EXOC6B: variants seen among roughly 807,000 people sequenced by gnomAD.
EXOC6B encodes the protein exocyst complex component 6B.
Under a neutral mutation model 113.5 loss-of-function variants are expected in EXOC6B, and 54 were observed. The observed-to-expected ratio is 0.48, with a 90% confidence interval of 0.38 to 0.60. The LOEUF (loss-of-function observed/expected upper bound fraction) is 0.60. Among genes scored for constraint, EXOC6B ranks in the 20% least tolerant of loss-of-function variants. EXOC6B has a pLI of 0.00. For synonymous variants in EXOC6B, 357 were observed against 339.0 expected (o/e 1.05, Z -0.58); for missense variants, 797 against 977.5 (o/e 0.82, Z 2.46).
At chr2:72,234,176 C>T (rs535427510) in intron 20 of EXOC6B, among the ~76,000 whole-genome samples, 1 of 151,548 alleles carries the variant, frequency 6.6e-6, no homozygotes, top group Non-Finnish European at 1.5e-5. Context: ...AACCTCCGTC[C>T]CCCCGGTTTA....
At chr2:72,501,126 CT>C (rs1048991560) in intron 11 of EXOC6B, among the ~76,000 whole-genome samples, 3 of 152,048 alleles carry the variant, frequency 2.0e-5, no homozygotes, top group African/African-American at 7.2e-5. Context: ...TAGTATAAAA[CT>C]TTTTAATGCT....
intron 8 of EXOC6B, among the ~76,000 whole-genome samples, chr2:72,520,400 A>G (rs777936904): frequency 3.9e-5 from 6 of 151,974 alleles, no homozygotes; most frequent in Non-Finnish European, 7.4e-5. Context: ...TTCCTGTTTC[A>G]TAGAGGCAAT....
Position 72,767,808 on chromosome 2 carries a change from TAAAAAAAAAA to T in EXOC6B, c.114-26349_114-26340del, listed in dbSNP as rs34358568. 0.025 allele frequency among the ~76,000 whole-genome samples: 323 copies of T among 12,702 alleles called. 39 individuals are homozygous for T. The East Asian group carries it at 0.37, about 15-fold the overall frequency. The allele number at this position is 12,702 out of a possible 152,430, so 8.3% of individuals were successfully genotyped here. On this transcript the variant is annotated intron_variant, in intron 1 of 21. Coordinates refer to ENST00000272427, the MANE Select transcript of EXOC6B (RefSeq NM_015189.3). ...AGCCTGGGAGACACAGAGACCTTGT[TAAAAAAAAAA>T]AAAAAAAAAAAAAAAGACCAAGTCC...
intron 1 of EXOC6B, among the ~76,000 whole-genome samples, chr2:72,788,467 G>A (rs1309224900): frequency 6.6e-6 from 1 of 152,078 alleles, no homozygotes; most frequent in Non-Finnish European, 1.5e-5. Flanking sequence ...CGAATCTGGG[G>A]TTCTTAACAA....
chr2:72,545,789 AT>A (rs767865835), intron 8 of EXOC6B, among the ~76,000 whole-genome samples: 5 of 152,210 alleles, frequency 3.3e-5, no homozygotes, highest in African/African-American at 4.8e-5. Context: ...AAAACTAATG[AT>A]TTTTAATGAA....
At chr2:72,551,729 C>A (rs1250286828) in intron 8 of EXOC6B, among the ~76,000 whole-genome samples, 2 of 151,820 alleles carry the variant, frequency 1.3e-5, no homozygotes, top group Non-Finnish European at 2.9e-5. Flanking sequence ...ATCTCCTGAC[C>A]TAGTGATCCG....
chr2:72,350,669 T>C (rs545191594), intron 19 of EXOC6B, among the ~76,000 whole-genome samples: 1 of 152,270 alleles, frequency 6.6e-6, no homozygotes, highest in African/African-American at 2.4e-5. Flanking sequence ...ACGTAAGGCG[T>C]CAAAGATTTG....
intron 6 of EXOC6B, among the ~76,000 whole-genome samples, chr2:72,648,886 G>T (rs1673945840): frequency 6.6e-6 from 1 of 152,202 alleles, no homozygotes; most frequent in Non-Finnish European, 1.5e-5. Flanking sequence ...GCTCATGCTT[G>T]TAATTCCAGC....
At chr2:72,820,317 T>C (rs555027474) in intron 1 of EXOC6B, among the ~76,000 whole-genome samples, 21 of 152,326 alleles carry the variant, frequency 1.4e-4, no homozygotes, top group African/African-American at 4.8e-4. Context: ...AGCTGTGTTA[T>C]AGAATTGTAA....
chr2:72,404,948 T>TA (rs1553399150), intron 18 of EXOC6B, among the ~76,000 whole-genome samples: 1 of 151,776 alleles, frequency 6.6e-6, no homozygotes, highest in Non-Finnish European at 1.5e-5. Context: ...GCAAAGAAGT[T>TA]AAAAACCTTG....
intron 1 of EXOC6B, among the ~76,000 whole-genome samples, chr2:72,756,798 G>A (rs981481288): frequency 1.3e-5 from 2 of 151,662 alleles, no homozygotes; most frequent in Non-Finnish European, 2.9e-5. Flanking sequence ...GTTATATAAA[G>A]TATAATAAAA....
Position 72,712,062 on chromosome 2 carries a change from A to G in EXOC6B, c.669+6041T>C, listed in dbSNP as rs545053391. Among the ~76,000 whole-genome samples the G allele has an allele frequency of 3.9e-5, 6 of 152,204 alleles. No homozygotes were observed. In the South Asian group the frequency reaches 8.3e-4, roughly 21 times the overall value. On this transcript the variant is annotated intron_variant, in intron 6 of 21. Coordinates refer to ENST00000272427, the MANE Select transcript of EXOC6B (RefSeq NM_015189.3). The stretch of plus-strand genomic sequence containing the variant: ...TTTGAAACTCCTCCTCAGATTCGCT[A>G]AATGATTGACCTTGTACATTTTCTT...
chr2:72,378,832 C>T (rs568248991), intron 19 of EXOC6B, among the ~76,000 whole-genome samples: 39 of 152,190 alleles, frequency 2.6e-4, no homozygotes, highest in Non-Finnish European at 5.0e-4. Flanking sequence ...ACCAACAGCT[C>T]TTCATTCTTT....
At chr2:72,390,094 G>A (rs1237356428) in intron 18 of EXOC6B, among the ~76,000 whole-genome samples, 8 of 152,172 alleles carry the variant, frequency 5.3e-5, no homozygotes, top group South Asian at 2.1e-4. Context: ...CAACAACAAC[G>A]AAAAATTCTT....
chr2:72,428,348 C>T (rs915319825), intron 18 of EXOC6B, among the ~76,000 whole-genome samples: 17 of 152,206 alleles, frequency 1.1e-4, no homozygotes, highest in African/African-American at 4.1e-4. Context: ...CTCTTTGGGG[C>T]CCTGTGTTTC....
intron 20 of EXOC6B, among the ~76,000 whole-genome samples, chr2:72,214,570 AT>A (rs1680398784): frequency 6.6e-6 from 1 of 151,184 alleles, no homozygotes; most frequent in African/African-American, 2.4e-5. Context: ...TTTGGCTAGG[AT>A]TCACCAGCCA....
At chr2:72,193,502 C>T (rs1221333554) in intron 20 of EXOC6B, among the ~76,000 whole-genome samples, 1 of 152,100 alleles carries the variant, frequency 6.6e-6, no homozygotes, top group Non-Finnish European at 1.5e-5. Context: ...AATTGAGTAC[C>T]AACAATGTCT....
At chr2:72,430,415 C>T (rs1217490447) in intron 18 of EXOC6B, among the ~76,000 whole-genome samples, 4 of 152,220 alleles carry the variant, frequency 2.6e-5, no homozygotes, top group Admixed American at 6.5e-5. Flanking sequence ...GCGGGTGGAT[C>T]ACTTGAGGTC....
In EXOC6B at chr2:72,826,016, G is replaced by A; in HGVS notation, c.-106C>T. ...AGGCTCCACAGCCGCCCCAGCCTCT[G>A]GCTACCCGCAGGCCGACCCCTCCCT... On this transcript the variant is annotated 5_prime_UTR_variant, in exon 1 of 22. Coordinates refer to ENST00000272427, the MANE Select transcript of EXOC6B (RefSeq NM_015189.3). 1 of 1,492,076 alleles carries A rather than the reference G, an allele frequency of 6.7e-7. No individual in the cohort carries two copies. Among genetic ancestry groups the A allele is most frequent in the Admixed American group, 2.0e-5 (1 of 49,810 alleles). The allele number at this position is 1,492,076 out of a possible 1,614,324, so 92.4% of individuals were successfully genotyped here.
Sources: gnomAD v4.1 joint callset for allele counts (sites outside exome capture counted in the v4.1 genomes callset) on GRCh38, gnomAD v4.1.1 for gene constraint, MANE v1.5 for transcripts, NCBI Gene and HGNC (gene_info 2026-07-23, HGNC 2026-07-21) for gene names.